The following CDH18 variants were observed in gnomAD, a reference collection of about 807,000 sequenced individuals.
CDH18 encodes cadherin 18.
Under a neutral mutation model 67.9 loss-of-function variants are expected in CDH18, and 31 were observed. The ratio of observed to expected loss-of-function variants is 0.46; its 90% CI spans 0.34 to 0.62. The LOEUF (loss-of-function observed/expected upper bound fraction) is 0.62, where lower values mean the gene tolerates loss of function less well. CDH18 is among the 20% of genes least tolerant of loss of function. The pLI is 0.01. For missense variants in CDH18, 890 were observed against 975.5 expected, an observed-to-expected ratio of 0.91 and a Z score of 1.17; for synonymous variants, 362 against 347.2, an observed-to-expected ratio of 1.04 and a Z score of -0.48.
chr5:20,404,850 G>A (rs112882508), intron 1 of CDH18, among the ~76,000 whole-genome samples: 1,623 of 152,094 alleles, frequency 0.011, 31 homozygotes, highest in African/African-American at 0.037. Flanking sequence ...TATGTGAAGC[G>A]CAATAAAGTA....
At chr5:19,493,261 C>T (rs772222598) in intron 11 of CDH18, among the ~76,000 whole-genome samples, 1 of 152,168 alleles carries the variant, frequency 6.6e-6, no homozygotes, top group Non-Finnish European at 1.5e-5. Context: ...CCCAACTAGA[C>T]AGCAAGCCCC....
rs80265631 is a variant in CDH18 at position 19,985,774 on chromosome 5, A to T, written c.-376+2312T>A. 7.1e-3 allele frequency among the ~76,000 whole-genome samples: 1,081 copies of T among 152,248 alleles called. 12 individuals carry two copies. The highest frequency in any genetic ancestry group is 0.025 in the African/African-American group (1,028 of 41,542). On this transcript the variant is annotated intron_variant, in intron 1 of 12. Transcript: ENST00000382275. ...AAGAAAGACAAAGAACACCATATAC[A>T]TGCTTTGTCTTTAATGTCTCAATCT...
chr5:19,697,051 G>C (rs1221163855), intron 5 of CDH18, among the ~76,000 whole-genome samples: 1 of 152,172 alleles, frequency 6.6e-6, no homozygotes, highest in Non-Finnish European at 1.5e-5. Flanking sequence ...CAGTTGAAAT[G>C]AATCTTATGA....
At chr5:20,099,454 T>G (rs1329157109) in intron 2 of CDH18, among the ~76,000 whole-genome samples, 2 of 152,224 alleles carry the variant, frequency 1.3e-5, no homozygotes, top group Non-Finnish European at 2.9e-5. Context: ...CTATTAACCC[T>G]TGATAAGGAG....
At chr5:19,593,494 G>A (rs897675255) in intron 6 of CDH18, among the ~76,000 whole-genome samples, 7 of 151,850 alleles carry the variant, frequency 4.6e-5, no homozygotes, top group Admixed American at 4.6e-4. Context: ...TCAGGTCCTA[G>A]GCCCATTTTT....
chr5:20,156,716 T>A (rs1283676729), intron 2 of CDH18, among the ~76,000 whole-genome samples: 2 of 152,028 alleles, frequency 1.3e-5, no homozygotes, highest in African/African-American at 4.8e-5. Flanking sequence ...CCTAAATCTA[T>A]CAAAAGAACA....
chr5:19,639,488 G>T (rs768305627), intron 5 of CDH18, among the ~76,000 whole-genome samples: 2 of 152,184 alleles, frequency 1.3e-5, no homozygotes, highest in Non-Finnish European at 2.9e-5. Context: ...AGAAAGGGAA[G>T]TACCCCTGCA....
At chr5:19,662,853 C>T (rs148567922) in intron 5 of CDH18, among the ~76,000 whole-genome samples, 8 of 151,952 alleles carry the variant, frequency 5.3e-5, no homozygotes, top group African/African-American at 1.7e-4. Context: ...TACGTACGTG[C>T]GAATAATAAG....
intron 2 of CDH18, among the ~76,000 whole-genome samples, chr5:19,937,394 C>G (rs1335623441): frequency 6.6e-6 from 1 of 151,362 alleles, no homozygotes; most frequent in Non-Finnish European, 1.5e-5. Flanking sequence ...ACATATGGCC[C>G]TGATGTGTGT....
intron 2 of CDH18, among the ~76,000 whole-genome samples, chr5:20,111,086 A>T (rs1291315094): frequency 1.3e-5 from 2 of 152,182 alleles, no homozygotes; most frequent in Non-Finnish European, 2.9e-5. Flanking sequence ...CTAGGATAAT[A>T]GTTATTTTTC....
intron 2 of CDH18, among the ~76,000 whole-genome samples, chr5:19,967,964 CCTT>C (rs1220601272): frequency 2.0e-5 from 3 of 151,426 alleles, no homozygotes; most frequent in Non-Finnish European, 4.4e-5. Context: ...CCCAAAATCT[CCTT>C]AAGCTGATAA....
intron 2 of CDH18, among the ~76,000 whole-genome samples, chr5:19,973,730 C>T (rs370913798): frequency 6.6e-6 from 1 of 152,076 alleles, no homozygotes; most frequent in African/African-American, 2.4e-5. Flanking sequence ...CAAGCCAGTT[C>T]AACTGCTTAG....
intron 1 of CDH18, among the ~76,000 whole-genome samples, chr5:20,262,968 A>G (rs1744762951): frequency 7.4e-6 from 1 of 134,660 alleles, no homozygotes; most frequent in Admixed American, 7.5e-5. Context: ...GAATGGGGGA[A>G]AGAAGGGAAG....
intron 3 of CDH18, among the ~76,000 whole-genome samples, chr5:19,837,009 C>T (rs1405827592): frequency 3.3e-5 from 5 of 152,048 alleles, no homozygotes; most frequent in African/African-American, 1.2e-4. Context: ...GGAACCATCC[C>T]AAATGCCCAT....
At chr5:20,493,453 T>G (rs1361958061) in intron 1 of CDH18, among the ~76,000 whole-genome samples, 1 of 146,986 alleles carries the variant, frequency 6.8e-6, no homozygotes, top group Non-Finnish European at 1.5e-5. Flanking sequence ...CAAAGGCCAC[T>G]CAAATGAGAA....
intron 5 of CDH18, among the ~76,000 whole-genome samples, chr5:19,642,540 G>A (rs775392839): frequency 6.6e-5 from 10 of 151,996 alleles, no homozygotes; most frequent in Non-Finnish European, 1.3e-4. Context: ...ACGGCTATCT[G>A]ATCTTTAAAA....
intron 2 of CDH18, among the ~76,000 whole-genome samples, chr5:20,005,068 A>G (rs1736779318): frequency 6.6e-6 from 1 of 152,226 alleles, no homozygotes; most frequent in Non-Finnish European, 1.5e-5. Flanking sequence ...AAATAACCAC[A>G]AAATTCTAAA....
chr5:19,518,003 T>A (rs904107171), intron 10 of CDH18, among the ~76,000 whole-genome samples: 1 of 151,966 alleles, frequency 6.6e-6, no homozygotes, highest in Non-Finnish European at 1.5e-5. Flanking sequence ...TATTTTTTCA[T>A]CAACTGTGCT....
At chr5:19,793,383 T>C (rs184029749) in intron 3 of CDH18, among the ~76,000 whole-genome samples, 192 of 152,244 alleles carry the variant, frequency 1.3e-3, no homozygotes, top group Admixed American at 1.6e-3. Context: ...TAAGAGGGTT[T>C]TAAGTCATTT....
Sources: gnomAD v4.1 joint callset for allele counts (sites outside exome capture counted in the v4.1 genomes callset) on GRCh38, gnomAD v4.1.1 for gene constraint, MANE v1.5 for transcripts, NCBI Gene and HGNC (gene_info 2026-07-23, HGNC 2026-07-21) for gene names.